The following PRC1 variants were observed in gnomAD, a reference collection of about 807,000 sequenced individuals.
PRC1 encodes anaphase spindle elongation 1 homolog.
In PRC1, 54 loss-of-function variants were observed where a neutral mutation model predicts 91.2. The ratio of observed to expected loss-of-function variants is 0.59; its 90% CI spans 0.48 to 0.74. The LOEUF is 0.74. Among genes scored for constraint, PRC1 ranks in the 30% least tolerant of loss-of-function variants. PRC1 has a pLI of 0.00. For missense variants in PRC1, 727 were observed against 746.2 expected (o/e 0.97, Z 0.30); for synonymous variants, 275 against 263.6 (o/e 1.04, Z -0.42).
intron 8 of PRC1, 125 bp downstream of exon 8, chr15:90,979,031 GAA>G: frequency 8.2e-7 from 1 of 1,219,272 alleles, no homozygotes; most frequent in Non-Finnish European, 1.1e-6. Context: ...GCGGTCAGCA[GAA>G]ATTCAGAGAG....
intron 6 of PRC1, chr15:90,980,600 C>G (rs932884193): frequency 2.8e-5 from 19 of 679,670 alleles, no homozygotes; most frequent in East Asian, 1.2e-4. Flanking sequence ...CTCACTGCAA[C>G]CCTCCACCTC....
Position 90,980,891 on chromosome 15 carries a change from C to T in PRC1, c.815G>A (p.Arg272Gln), listed in dbSNP as rs149143720. The T allele has an allele frequency of 5.9e-5, 96 of 1,614,180 alleles. No homozygotes were observed. Among genetic ancestry groups the T allele is most frequent in the South Asian group, 5.2e-4 (47 of 91,090 alleles). Reference protein sequence around the residue: ...TIMSGSKAKVRKALQLEVDRL... With the variant: ...TIMSGSKAKVQKALQLEVDRL... ...ACCCACTGGGTTTCTTACCGCTTTC[C>T]GGACCTTGGCCTTTGACCCAGACAT... The change falls in exon 6 of 15, where the codon CGG (arginine) becomes CAG (glutamine). Residue 272 changes from arginine (R) to glutamine (Q), a missense_variant. Physicochemically the swap from Arg to Gln is conservative, Grantham distance 43. Coordinates refer to ENST00000394249, the MANE Select transcript of PRC1 (RefSeq NM_003981.4).
chr15:90,969,649 G>A (rs766827447), intron 12 of PRC1, 26 bp from the exon 13 acceptor site: 43 of 1,561,668 alleles, frequency 2.8e-5, no homozygotes, highest in Non-Finnish European at 3.6e-5. Flanking sequence ...AGAGATCCAT[G>A]TATCATCCTT....
rs2039151855 is a variant in PRC1, at chr15:90,981,011, T to C, written c.695A>G (p.Asn232Ser). 1 of 1,614,104 alleles carries C rather than the reference T, an allele frequency of 6.2e-7. No homozygotes were observed. Among genetic ancestry groups the C allele is most frequent in the East Asian group, 2.2e-5 (1 of 44,898 alleles). The stretch of plus-strand genomic sequence containing the variant: ...ACGCAGCCCCTCACACACTGCTTCA[T>C]TTTGTGATTTCTGCATTTCCAGCTA... Reference protein sequence around the residue: ...LRQLEMQKSQNEAVCEGLRTQ... With the variant: ...LRQLEMQKSQSEAVCEGLRTQ... Residue 232 changes from asparagine (N) to serine (S), a missense_variant, in exon 6 of 15, where the codon AAT (asparagine) becomes AGT (serine). Transcript: ENST00000394249.
At chr15:90,993,963 CTT>C (rs375442601) in intron 1 of PRC1, among the ~76,000 whole-genome samples, 64 of 152,292 alleles carry the variant, frequency 4.2e-4, no homozygotes, top group African/African-American at 1.5e-3. Context: ...GATAAATAAA[CTT>C]AACAGCTTTA....
At chr15:90,971,352 C>G (rs553440992) in intron 11 of PRC1, among the ~76,000 whole-genome samples, 330 of 152,272 alleles carry the variant, frequency 2.2e-3, no homozygotes, top group African/African-American at 7.6e-3. Context: ...GTGGTACAAT[C>G]TTGGTTCACT....
At chr15:90,993,207 T>C (rs8024492) in intron 1 of PRC1, among the ~76,000 whole-genome samples, 1 of 140,122 alleles carries the variant, frequency 7.1e-6, no homozygotes, top group Admixed American at 7.9e-5. Context: ...AAACTGTTAA[T>C]GGACTTTTTT....
At chr15:90,973,742 T>C (rs1205638139) in intron 11 of PRC1, among the ~76,000 whole-genome samples, 2 of 152,154 alleles carry the variant, frequency 1.3e-5, no homozygotes, top group Non-Finnish European at 2.9e-5. Flanking sequence ...GAAGCATAAA[T>C]CTGGCCTACG....
chr15:90,984,780 T>G lies in PRC1; in HGVS notation c.57A>C (p.Leu19=). 6.2e-7 allele frequency: 1 copy of G among 1,614,190 alleles called. No homozygotes were observed. The highest frequency in any genetic ancestry group is 1.1e-5 in the South Asian group (1 of 91,080). ...GCTCCCATATTTCCCGAAGGTGATT[T>G]AGGGCTTTCTGCAGACATACTATGG... ...EESIVCLQKA[L]NHLREIWELI... is the part of the protein sequence containing the mutation. The change falls in exon 2 of 15, where the codon CTA becomes CTC. Residue 19 remains leucine (L), a synonymous_variant. Coordinates refer to ENST00000394249, the MANE Select transcript of PRC1 (RefSeq NM_003981.4). The surrounding 1 kb of genome is among the most constrained non-coding windows in gnomAD (Gnocchi z 5.1).
chr15:90,966,365 G>A lies in PRC1; in HGVS notation c.*766C>T. 6.0e-6 allele frequency: 2 copies of A among 331,940 alleles called. No homozygotes were observed. Among genetic ancestry groups the A allele is most frequent in the South Asian group, 4.6e-5 (2 of 43,688 alleles). The allele number at this position is 331,940 out of a possible 1,614,324, so 20.6% of individuals were successfully genotyped here. On this transcript the variant is annotated 3_prime_UTR_variant, in exon 15 of 15. Transcript: ENST00000394249. Reference sequence around the variant, plus strand: ...ACGACAAAGACAGCTCAACCCATTGGAACAAACAGACTCCCAATGTGGCTG... The same window carrying A: ...ACGACAAAGACAGCTCAACCCATTGAAACAAACAGACTCCCAATGTGGCTG...
chr15:90,974,315 C>T lies in PRC1; in HGVS notation c.1351-69G>A, dbSNP rs1275748089. The stretch of plus-strand genomic sequence containing the variant: ...AGCGGGTCTGGGATGGCAACAGCAG[C>T]AGGGCCGGGAATCTAGGCCCGTGTC... On this transcript the variant is annotated intron_variant, in intron 10 of 14. Transcript: ENST00000394249. This position sits in a 1 kb window ranked among gnomAD's most constrained non-coding sequence, Gnocchi z 4.6. 7.3e-7 allele frequency: 1 copy of T among 1,372,946 alleles called. No homozygotes were observed. The highest frequency in any genetic ancestry group is 1.0e-6 in the Non-Finnish European group (1 of 969,118). 85.0% of individuals were successfully genotyped at this position (1,372,946 alleles called of 1,614,324 possible).
At chr15:90,976,229 C>T (rs1373462178) in intron 9 of PRC1, among the ~76,000 whole-genome samples, 8 of 152,102 alleles carry the variant, frequency 5.3e-5, no homozygotes, top group African/African-American at 4.8e-5. Flanking sequence ...GCTGGGATTA[C>T]AGGTGCCCGC....
intron 14 of PRC1, chr15:90,968,580 T>TC: frequency 1.0e-6 from 1 of 991,724 alleles, no homozygotes. Context: ...CATCTATGCT[T>TC]CAGTAGCTCA....
rs1167477758 is a variant in PRC1, at chr15:90,970,334, T to TA, written c.1572+69dup. ...CAGGGATCTTAGAATCTAGAACAAG[T>TA]AGGTGGGGCCTCTGGGTGAACAGGC... On this transcript the variant is annotated intron_variant, in intron 12 of 14. Coordinates refer to ENST00000394249, the MANE Select transcript of PRC1 (RefSeq NM_003981.4). 4 of 1,121,904 alleles carry TA rather than the reference T, an allele frequency of 3.6e-6. No individual in the cohort carries two copies. In the African/African-American group the frequency reaches 6.1e-5, roughly 17 times the overall value. The allele number at this position is 1,121,904 out of a possible 1,614,324, so 69.5% of individuals were successfully genotyped here.
At position 90,974,338 on chromosome 15, in the gene PRC1, G is replaced by A. The variant is rs1022259887; in HGVS notation, c.1351-92C>T. The A allele has an allele frequency of 3.3e-6, 4 of 1,204,972 alleles. No homozygotes were observed. Among genetic ancestry groups the A allele is most frequent in the Admixed American group, 1.8e-5 (1 of 55,198 alleles). The allele number at this position is 1,204,972 out of a possible 1,614,324, so 74.6% of individuals were successfully genotyped here. ...AGCAGGGCCGGGAATCTAGGCCCGT[G>A]TCTCTACAGCCAGAGCTAAAGAGCT... On this transcript the variant is annotated intron_variant, in intron 10 of 14. Transcript: ENST00000394249. This position sits in a 1 kb window ranked among gnomAD's most constrained non-coding sequence, Gnocchi z 4.6.
chr15:90,982,531 G>A (rs1567198493), intron 3 of PRC1: 1 of 154,008 alleles, frequency 6.5e-6, no homozygotes, highest in Non-Finnish European at 1.4e-5. Flanking sequence ...GGCAGATCAC[G>A]AGGTCAGCAG....
At position 90,979,162 on chromosome 15, in the gene PRC1, A is replaced by G. The variant is rs750995429; in HGVS notation, c.1103T>C (p.Phe368Ser). ...ACACAAAAACTAGGACAATACCTCA[A>G]ACTCTAAGAAAAGCCTCCAGGTTTC... The part of the protein sequence containing the change: ...WEETWRLFLE[F>S]ERKASDPNRF... The change falls in exon 8 of 15, where the codon TTT becomes TCT. Residue 368 changes from phenylalanine to serine, a missense_variant. Phe to Ser is a radical substitution (Grantham distance 155). Coordinates refer to ENST00000394249, the MANE Select transcript of PRC1 (RefSeq NM_003981.4). 1.2e-6 allele frequency: 2 copies of G among 1,613,250 alleles called. No homozygotes were observed. Among genetic ancestry groups the G allele is most frequent in the South Asian group, 2.2e-5 (2 of 91,034 alleles).
At chr15:90,983,088 A>G (rs1567199176) in intron 3 of PRC1, among the ~76,000 whole-genome samples, 1 of 152,192 alleles carries the variant, frequency 6.6e-6, no homozygotes, top group Non-Finnish European at 1.5e-5. Context: ...GGAATGTGAA[A>G]AAAGAAAGAG....
At chr15:90,976,487 T>C (rs553844061) in intron 9 of PRC1, among the ~76,000 whole-genome samples, 189 bp downstream of exon 9, 2 of 152,268 alleles carry the variant, frequency 1.3e-5, no homozygotes, top group African/African-American at 4.8e-5. Flanking sequence ...CCTGTAGTGC[T>C]TTATTATGGC....
Sources: gnomAD v4.1 joint callset for allele counts (sites outside exome capture counted in the v4.1 genomes callset) on GRCh38, gnomAD v4.1.1 for gene constraint, Gnocchi (gnomAD v3.1) non-coding constraint, MANE v1.5 for transcripts, NCBI Gene and HGNC (gene_info 2026-07-23, HGNC 2026-07-21) for gene names.